The following PDE1A variants were observed in gnomAD, a reference collection of about 807,000 sequenced individuals.
The protein encoded by PDE1A is dual specificity calcium/calmodulin-dependent 3',5'-cyclic nucleotide phosphodiesterase 1A.
In PDE1A, 35 loss-of-function variants were observed where a neutral mutation model predicts 61.7. The observed-to-expected ratio is 0.57, with a 90% CI of 0.43 to 0.75. The LOEUF (loss-of-function observed/expected upper bound fraction) is 0.75. Ranked by LOEUF, PDE1A falls within the 30% of genes least tolerant of loss-of-function variation. The probability of loss-of-function intolerance (pLI) is 0.00; values close to 1 mark genes in which losing one functional copy is unlikely to be tolerated. For missense variants in PDE1A, 597 were observed against 630.6 expected (o/e 0.95, Z 0.57); for synonymous variants, 232 against 213.2 (o/e 1.09, Z -0.77).
chr2:182,277,653 G>C (rs1379849162), intron 1 of PDE1A, among the ~76,000 whole-genome samples: 3 of 152,048 alleles, frequency 2.0e-5, no homozygotes, highest in Admixed American at 2.0e-4. Flanking sequence ...AATTGCCCTA[G>C]GTTGTCTTTA....
At chr2:182,298,477 T>C (rs1695032154) in intron 1 of PDE1A, among the ~76,000 whole-genome samples, 2 of 152,028 alleles carry the variant, frequency 1.3e-5, no homozygotes, top group Non-Finnish European at 2.9e-5. Flanking sequence ...AATATGACCA[T>C]GATATGTGGG....
rs183102949 is a variant in PDE1A, at chr2:182,402,844, C to T, written c.53+23734G>A. ...CAAATTTATAAGAAAAAACAAACAA[C>T]GCCATCAAAAAGTGGGTGAAGGATA... is the stretch of plus-strand genomic sequence containing the variant. On this transcript the variant is annotated intron_variant, in intron 1 of 13. Transcript: ENST00000351439. 1.9e-4 allele frequency among the ~76,000 whole-genome samples: 29 copies of T among 152,220 alleles called. No individual in the cohort carries two copies. The South Asian group carries it at 4.4e-3, about 23-fold the overall frequency.
At chr2:182,241,748 C>T (rs1690529457) in intron 2 of PDE1A, 1 of 1,115,990 alleles carries the variant, frequency 9.0e-7, no homozygotes, top group Admixed American at 2.7e-5. Context: ...TACGTGTATA[C>T]ATATAACGAT....
chr2:182,619,932 A>G, the PDE1A span, among the ~76,000 whole-genome samples: 1 of 152,130 alleles, frequency 6.6e-6, no homozygotes, highest in Non-Finnish European at 1.5e-5. Flanking sequence ...AGCAAGAGAG[A>G]ACTCACTTCC....
At chr2:182,421,287 C>T (rs747232958) in intron 1 of PDE1A, among the ~76,000 whole-genome samples, 1 of 152,104 alleles carries the variant, frequency 6.6e-6, no homozygotes. Context: ...GATAAATGTA[C>T]ATGTCATCAA....
chr2:182,675,124 T>C, the PDE1A span, among the ~76,000 whole-genome samples: 9 of 152,194 alleles, frequency 5.9e-5, 2 homozygotes, highest in South Asian at 1.9e-3. Context: ...TACCCTCAAG[T>C]AGGACCCAAT....
intron 13 of PDE1A, among the ~76,000 whole-genome samples, chr2:182,156,684 A>G (rs1379946174): frequency 6.6e-6 from 1 of 152,192 alleles, no homozygotes; most frequent in Non-Finnish European, 1.5e-5. Flanking sequence ...TTTGTAAGAA[A>G]TAAGATTATC....
intron 1 of PDE1A, among the ~76,000 whole-genome samples, chr2:182,358,127 T>A (rs1486742661): frequency 6.6e-6 from 1 of 152,202 alleles, no homozygotes; most frequent in African/African-American, 2.4e-5. Flanking sequence ...CACTTAAAGT[T>A]ATCTTTTTAG....
intron 7 of PDE1A, among the ~76,000 whole-genome samples, chr2:182,220,332 T>C (rs1208751966): frequency 6.6e-6 from 1 of 152,062 alleles, no homozygotes; most frequent in Non-Finnish European, 1.5e-5. Flanking sequence ...AGCTGTGATT[T>C]TCCAGTAACA....
At chr2:182,454,999 C>A (rs532077066) in intron 2 of PDE1A, among the ~76,000 whole-genome samples, 88 of 151,722 alleles carry the variant, frequency 5.8e-4, no homozygotes, top group Middle Eastern at 3.4e-3. Flanking sequence ...ATTTTTGCAA[C>A]CTACTCATCT....
At chr2:182,425,511 T>A (rs1057187771) in intron 1 of PDE1A, among the ~76,000 whole-genome samples, 2 of 152,218 alleles carry the variant, frequency 1.3e-5, no homozygotes, top group African/African-American at 4.8e-5. Context: ...AGGAAGACTT[T>A]AAAACAGATT....
chr2:182,464,896 C>T (rs999841340), intron 2 of PDE1A, among the ~76,000 whole-genome samples: 1 of 152,152 alleles, frequency 6.6e-6, no homozygotes, highest in East Asian at 1.9e-4. Context: ...CGCTGTATGC[C>T]TCACGCTAAG....
At chr2:182,163,972 T>A (rs1203826441), downstream of PDE1A, among the ~76,000 whole-genome samples, 1 of 152,178 alleles carries the variant, frequency 6.6e-6, no homozygotes, top group Non-Finnish European at 1.5e-5. Context: ...AGGCCTGGCA[T>A]CATCTGCAGA....
At chr2:182,238,279 A>AAG (rs1553548546) in intron 3 of PDE1A, among the ~76,000 whole-genome samples, 2 of 144,320 alleles carry the variant, frequency 1.4e-5, no homozygotes, top group Non-Finnish European at 3.1e-5. Flanking sequence ...AAAAAAAAAA[A>AAG]AAAGAAAAAG....
chr2:182,682,379 G>T, the PDE1A span, among the ~76,000 whole-genome samples: 3 of 152,180 alleles, frequency 2.0e-5, no homozygotes, highest in African/African-American at 7.2e-5. Context: ...TAATTAGGCA[G>T]GGGTAAGGAA....
chr2:182,206,070 GAATT>G lies in PDE1A; in HGVS notation c.777-9_777-6del. The G allele has an allele frequency of 6.3e-7, 1 of 1,597,564 alleles. No individual in the cohort carries two copies. Among genetic ancestry groups the G allele is most frequent in the Non-Finnish European group, 8.5e-7 (1 of 1,172,230 alleles). Reference sequence around the variant, plus strand: ...TACAAAATGGCAACATCTGACCTAAGAATTAAAAACAAAATGCCCAACAGAGGAT... The same window carrying G: ...TACAAAATGGCAACATCTGACCTAAGAAAAACAAAATGCCCAACAGAGGAT... On this transcript the variant is annotated splice_region_variant and splice_polypyrimidine_tract_variant and intron_variant, in intron 7 of 13. Coordinates refer to ENST00000351439, the Ensembl canonical transcript of PDE1A.
chr2:182,639,870 ATATT>A, the PDE1A span, among the ~76,000 whole-genome samples: 2 of 149,012 alleles, frequency 1.3e-5, no homozygotes, highest in South Asian at 2.1e-4. Context: ...ATATAAATAT[ATATT>A]TATTATATAT....
At chr2:182,352,225 C>T (rs1698923118) in intron 1 of PDE1A, among the ~76,000 whole-genome samples, 2 of 152,322 alleles carry the variant, frequency 1.3e-5, no homozygotes, top group African/African-American at 4.8e-5. Context: ...AATGGGTTCC[C>T]AAGCCCAGTG....
the PDE1A span, among the ~76,000 whole-genome samples, chr2:182,694,206 T>G: frequency 6.6e-6 from 1 of 152,216 alleles, no homozygotes; most frequent in Non-Finnish European, 1.5e-5. Context: ...GATATCCAGG[T>G]GTCCTAGCAC....
Sources: gnomAD v4.1 joint callset for allele counts (sites outside exome capture counted in the v4.1 genomes callset) on GRCh38, gnomAD v4.1.1 for gene constraint, MANE v1.5 for transcripts, NCBI Gene and HGNC (gene_info 2026-07-23, HGNC 2026-07-21) for gene names.